The following MYRFL variants were observed in gnomAD, a reference collection of about 807,000 sequenced individuals.
The protein encoded by MYRFL is myelin regulatory factor-like protein.
MYRFL carries 88 observed loss-of-function variants against 109.4 expected under a neutral mutation model. That is an observed-to-expected ratio of 0.80 (90% confidence interval 0.68 to 0.96). The LOEUF (loss-of-function observed/expected upper bound fraction) is 0.96. Among genes scored for constraint, MYRFL ranks in the 40% least tolerant of loss-of-function variants. MYRFL has a pLI of 0.00. For synonymous variants in MYRFL, 324 were observed against 320.9 expected (o/e 1.01, Z -0.10); for missense variants, 957 against 954.9 (o/e 1.00, Z -0.03).
At chr12:69,837,856 T>A (rs552115509) in intron 1 of MYRFL, among the ~76,000 whole-genome samples, 11 of 152,336 alleles carry the variant, frequency 7.2e-5, no homozygotes, top group African/African-American at 2.6e-4. Context: ...AATGAATGCC[T>A]TTTTTCCGTG....
chr12:69,946,637 T>A (rs908474133), intron 19 of MYRFL: 2 of 152,256 alleles, frequency 1.3e-5, no homozygotes, highest in Non-Finnish European at 2.9e-5. Flanking sequence ...GATATGTTGC[T>A]TTTCAAGTCT....
chr12:69,917,958 C>T (rs187058890), intron 13 of MYRFL, among the ~76,000 whole-genome samples: 12 of 147,088 alleles, frequency 8.2e-5, no homozygotes, highest in Admixed American at 7.4e-4. Context: ...GGGAGGGCAG[C>T]TAGGGTAGAG....
At chr12:69,955,971 T>C (rs999796827) in intron 22 of MYRFL, among the ~76,000 whole-genome samples, 4 of 152,306 alleles carry the variant, frequency 2.6e-5, no homozygotes, top group South Asian at 2.1e-4. Context: ...TTTCTTTATC[T>C]GTAATATAAG....
chr12:69,926,757 T>A (rs1022710112), intron 14 of MYRFL, 23 bp downstream of exon 14: 78 of 1,399,972 alleles, frequency 5.6e-5, no homozygotes, highest in Non-Finnish European at 7.1e-5. Flanking sequence ...AGGATTGCCA[T>A]AGAAATTTGG....
chr12:69,955,266 T>G (rs1403360670), intron 21 of MYRFL, 97 bp from the exon 22 acceptor site: 1 of 449,014 alleles, frequency 2.2e-6, no homozygotes, highest in Non-Finnish European at 3.9e-6. Flanking sequence ...CTATATAATA[T>G]TTCACAGTTT....
intron 13 of MYRFL, among the ~76,000 whole-genome samples, chr12:69,922,000 G>A (rs933913338): frequency 2.0e-5 from 3 of 152,038 alleles, no homozygotes; most frequent in Non-Finnish European, 2.9e-5. Flanking sequence ...TTTTAAAGAA[G>A]GAGATGGTTA....
chr12:69,941,316 C>G (rs1229993086), intron 19 of MYRFL, among the ~76,000 whole-genome samples: 4 of 89,234 alleles, frequency 4.5e-5, no homozygotes, highest in African/African-American at 1.8e-4. Context: ...TAAAAGAACA[C>G]AAATTATAAC....
chr12:69,850,114 G>A (rs1293765871), intron 1 of MYRFL, among the ~76,000 whole-genome samples: 6 of 152,180 alleles, frequency 3.9e-5, no homozygotes, highest in African/African-American at 7.2e-5. Context: ...GAGTTTCCCT[G>A]CACAAGCTCT....
chr12:69,856,576 T>C (rs183581985), intron 2 of MYRFL, among the ~76,000 whole-genome samples: 35 of 152,184 alleles, frequency 2.3e-4, no homozygotes, highest in African/African-American at 8.2e-4. Context: ...GAGTTTAAAA[T>C]TGTTTTTATT....
chr12:69,918,635 C>T (rs1417914311), intron 13 of MYRFL, among the ~76,000 whole-genome samples: 1 of 152,160 alleles, frequency 6.6e-6, no homozygotes, highest in Non-Finnish European at 1.5e-5. Flanking sequence ...CATTATCAGA[C>T]TTTCTAAATT....
chr12:69,945,503 G>C (rs1159317313), intron 19 of MYRFL, among the ~76,000 whole-genome samples: 1 of 152,168 alleles, frequency 6.6e-6, no homozygotes, highest in Non-Finnish European at 1.5e-5. Context: ...TATAGCCTAG[G>C]TGTGTAGTAG....
chr12:69,873,600 T>C (rs1474999440), intron 2 of MYRFL, among the ~76,000 whole-genome samples: 1 of 152,122 alleles, frequency 6.6e-6, no homozygotes, highest in Non-Finnish European at 1.5e-5. Context: ...ACTAAGACAA[T>C]GGGTGGGTAG....
chr12:69,911,815 G>A (rs1954581107), intron 13 of MYRFL, among the ~76,000 whole-genome samples: 2 of 152,196 alleles, frequency 1.3e-5, no homozygotes, highest in Non-Finnish European at 2.9e-5. Context: ...AGAGATGCTT[G>A]AGTGGAGACT....
In MYRFL at chr12:69,936,107, T is replaced by TTTA; in HGVS notation, c.1917-6_1917-5insTTA. The TTTA allele has an allele frequency of 2.7e-6, 2 of 739,076 alleles. No homozygotes were observed. Among genetic ancestry groups the TTTA allele is most frequent in the Non-Finnish European group, 3.9e-6 (2 of 508,882 alleles). The allele number at this position is 739,076 out of a possible 1,614,324, so 45.8% of individuals were successfully genotyped here. A position where few individuals can be genotyped will look rare whatever the true frequency, so the allele number is the denominator to read the frequency against. On this transcript the variant is annotated splice_region_variant and splice_polypyrimidine_tract_variant and intron_variant, in intron 16 of 24. Coordinates refer to ENST00000552032, the MANE Select transcript of MYRFL (RefSeq NM_182530.3). ...TTTTTTTTTTTTTTTTTTTTTTTTT[T>TTTA]GACAGTGCTTTGACGATAGTTGCCC...
intron 19 of MYRFL, among the ~76,000 whole-genome samples, chr12:69,943,435 G>A (rs564451382): frequency 0.099 from 14,307 of 144,920 alleles, 828 homozygotes; most frequent in Non-Finnish European, 0.15. Flanking sequence ...AATGGGGAAA[G>A]GATTCCCTAT....
intron 15 of MYRFL, among the ~76,000 whole-genome samples, chr12:69,928,272 A>G (rs1301319376): frequency 2.0e-5 from 3 of 152,240 alleles, no homozygotes. Flanking sequence ...TTATAGTTAA[A>G]GCGAAGGTTA....
At chr12:69,949,096 G>A (rs191820104) in intron 19 of MYRFL, among the ~76,000 whole-genome samples, 198 of 152,266 alleles carry the variant, frequency 1.3e-3, no homozygotes, top group African/African-American at 4.7e-3. Flanking sequence ...TCACAGTTAG[G>A]TGAATGGGTA....
chr12:69,891,436 TCTAA>T (rs1166653620), intron 7 of MYRFL, among the ~76,000 whole-genome samples: 3 of 152,194 alleles, frequency 2.0e-5, no homozygotes, highest in Non-Finnish European at 2.9e-5. Context: ...CAAATGGGGC[TCTAA>T]CTGACAGGGC....
chr12:69,861,553 G>A (rs921704642), intron 2 of MYRFL, among the ~76,000 whole-genome samples: 4 of 152,216 alleles, frequency 2.6e-5, no homozygotes, highest in Admixed American at 2.0e-4. Context: ...CTTCTTCTGA[G>A]AAGTGTCTGT....
Sources: allele counts gnomAD v4.1 joint callset (sites outside exome capture counted in the v4.1 genomes callset), GRCh38; gene constraint gnomAD v4.1.1; transcripts MANE v1.5; gene names NCBI Gene and HGNC (gene_info 2026-07-23, HGNC 2026-07-21).